BPI: variants seen among roughly 807,000 people sequenced by gnomAD.
BPI encodes the protein bactericidal permeability increasing protein, also known as bactericidal permeability-increasing protein.
In BPI, 48 loss-of-function variants were observed where a neutral mutation model predicts 57.6. The ratio of observed to expected loss-of-function variants is 0.83; its 90% CI spans 0.66 to 1.06. The LOEUF (loss-of-function observed/expected upper bound fraction) is 1.06, where lower values mean the gene tolerates loss of function less well. Among genes scored for constraint, BPI ranks in the 50% least tolerant of loss-of-function variants. The pLI is 0.00. For synonymous variants in BPI, 237 were observed against 238.2 expected, an observed-to-expected ratio of 0.99 and a Z score of 0.05; for missense variants, 651 against 609.7, an observed-to-expected ratio of 1.07 and a Z score of -0.71.
At chr20:38,331,192 A>G in intron 12 of BPI, 102 bp downstream of exon 12, 1 of 1,373,716 alleles carries the variant, frequency 7.3e-7, no homozygotes, top group East Asian at 2.3e-5. Context: ...CTACTGGCTC[A>G]TTTGCATTTA....
At chr20:38,317,749 T>C in intron 5 of BPI, 1 of 1,212,790 alleles carries the variant, frequency 8.2e-7, no homozygotes, top group Non-Finnish European at 1.2e-6. Flanking sequence ...TAATTTGCCA[T>C]GTTCCGTTTT....
In BPI at chr20:38,331,229, G is replaced by C. The variant is rs536319163; in HGVS notation, c.1272+139G>C. The C allele has an allele frequency of 2.8e-6, 3 of 1,070,634 alleles. No individual in the cohort carries two copies. In the African/African-American group the frequency reaches 4.8e-5, roughly 17 times the overall value. The allele number at this position is 1,070,634 out of a possible 1,614,324, so 66.3% of individuals were successfully genotyped here. ...TTTGGTTGTGAATTAATAGTTCAAG[G>C]AGCTTCGTGGGCAGAGGGACCTGAG... On this transcript the variant is annotated intron_variant, in intron 12 of 14. Transcript: ENST00000642449.
chr20:38,322,791 G>C (rs756614535), intron 7 of BPI, among the ~76,000 whole-genome samples: 1 of 152,160 alleles, frequency 6.6e-6, no homozygotes, highest in Non-Finnish European at 1.5e-5. Context: ...TGTATTTTTA[G>C]TAGAGATGGG....
intron 11 of BPI, 127 bp from the exon 12 acceptor site, chr20:38,330,921 A>T (rs1568819113): frequency 1.9e-6 from 2 of 1,053,204 alleles, no homozygotes; most frequent in African/African-American, 3.2e-5. Context: ...GACCCGTGGA[A>T]GGGGAGTGGA....
intron 7 of BPI, 91 bp downstream of exon 7, chr20:38,320,365 C>T: frequency 8.6e-7 from 1 of 1,159,914 alleles, no homozygotes; most frequent in African/African-American, 1.5e-5. Context: ...TTAACAATGT[C>T]CCCTACTTCC....
intron 5 of BPI, chr20:38,317,885 G>A (rs550457722): frequency 5.3e-5 from 77 of 1,454,308 alleles, no homozygotes; most frequent in Non-Finnish European, 6.9e-5. Flanking sequence ...CTAGGGGACA[G>A]GGGGATTGGG....
At chr20:38,305,282 A>G (rs2076591733) in intron 1 of BPI, among the ~76,000 whole-genome samples, 1 of 152,210 alleles carries the variant, frequency 6.6e-6, no homozygotes, top group African/African-American at 2.4e-5. Flanking sequence ...GCTAGGGGGA[A>G]GGAGTATGGC....
rs543695235 is a variant in BPI, at chr20:38,319,737, A to AACAATGATCCTC, written c.665-445_665-434dup. On this transcript the variant is annotated intron_variant, in intron 6 of 14. Coordinates refer to ENST00000642449, the MANE Select transcript of BPI (RefSeq NM_001725.3). ...AGCCTTGTCTATTATCAATGATCCT[A>AACAATGATCCTC]ACAATGATCCTCTCTGGCTTCTGAG... The AACAATGATCCTC allele has an allele frequency of 5.7e-4, 90 of 158,098 alleles. No individual in the cohort carries two copies. In the South Asian group the frequency reaches 8.0e-3, roughly 14 times the overall value. 9.8% of individuals were successfully genotyped at this position (158,098 alleles called of 1,614,324 possible). A position where few individuals can be genotyped will look rare whatever the true frequency, so the allele number is the denominator to read the frequency against.
At chr20:38,312,048 C>A in intron 5 of BPI, 111 bp downstream of exon 5, 2 of 1,088,656 alleles carry the variant, frequency 1.8e-6, no homozygotes, top group Non-Finnish European at 1.4e-6. Context: ...CTTGGTAGTC[C>A]TTATGGCCCT....
chr20:38,335,184 A>G (rs1460769000), intron 13 of BPI, among the ~76,000 whole-genome samples: 1 of 152,188 alleles, frequency 6.6e-6, no homozygotes, highest in African/African-American at 2.4e-5. Flanking sequence ...AGAATGTGGC[A>G]GTATGTGGGG....
chr20:38,326,387 C>A lies in BPI; in HGVS notation c.1116C>A (p.Ala372=), dbSNP rs765937243. 7 of 1,614,022 alleles carry A rather than the reference C, an allele frequency of 4.3e-6. No individual in the cohort carries two copies. In the Admixed American group the frequency reaches 1.2e-4, roughly 27 times the overall value. ...FYPAVDVQAF[A]VLPNSSLASL... is the part of the protein sequence containing the mutation. ...CTGCCGTGGATGTCCAGGCCTTTGC[C>A]GTCCTCCCCAACTCCTCCCTGGCTT... Residue 372 remains alanine (A), a synonymous_variant, in exon 10 of 15, where the codon GCC becomes GCA. Coordinates refer to ENST00000642449, the MANE Select transcript of BPI (RefSeq NM_001725.3).
intron 11 of BPI, among the ~76,000 whole-genome samples, chr20:38,329,598 C>G (rs781602038): frequency 1.2e-4 from 19 of 152,184 alleles, no homozygotes; most frequent in Non-Finnish European, 2.4e-4. Context: ...ATCCACGGAG[C>G]AGAAATCCTG....
chr20:38,309,041 G>T lies in BPI; in HGVS notation c.357G>T (p.Lys119Asn). Residue 119 changes from lysine to asparagine, a missense_variant, in exon 3 of 15, where the codon AAG becomes AAT. Lys to Asn is a moderately conservative substitution (Grantham distance 94). Transcript: ENST00000642449. ...ATATCAAGATCAGCGGGAAATGGAA[G>T]GCACAAAAGAGATTCTTGTGCGTTT... is the stretch of plus-strand genomic sequence containing the variant. ...NANIKISGKW[K>N]AQKRFLKMSG... 1 of 1,614,176 alleles carries T rather than the reference G, an allele frequency of 6.2e-7. No individual in the cohort carries two copies. Among genetic ancestry groups the T allele is most frequent in the Non-Finnish European group, 8.5e-7 (1 of 1,180,012 alleles).
intron 5 of BPI, chr20:38,318,041 G>A (rs903605437): frequency 1.0e-6 from 1 of 984,334 alleles, no homozygotes; most frequent in Non-Finnish European, 1.2e-6. Context: ...CCTCGTATTT[G>A]TTTATTACCT....
intron 4 of BPI, 116 bp downstream of exon 4, chr20:38,310,768 A>G: frequency 7.3e-7 from 1 of 1,379,010 alleles, no homozygotes. Context: ...CCTTGCTCAG[A>G]GGCCTCAGGC....
At chr20:38,325,963 T>G (rs543357855) in intron 9 of BPI, among the ~76,000 whole-genome samples, 84 of 152,128 alleles carry the variant, frequency 5.5e-4, no homozygotes, top group African/African-American at 1.6e-3. Flanking sequence ...GAGAGAAGAA[T>G]GCGAGGAAAA....
At chr20:38,316,412 C>G (rs1381220768) in intron 5 of BPI, among the ~76,000 whole-genome samples, 1 of 152,190 alleles carries the variant, frequency 6.6e-6, no homozygotes, top group Admixed American at 6.5e-5. Context: ...GACAGTTGTC[C>G]TTGAGGCAGC....
intron 6 of BPI, 143 bp downstream of exon 6, chr20:38,318,619 A>C (rs2076665390): frequency 2.3e-6 from 2 of 879,656 alleles, no homozygotes; most frequent in Non-Finnish European, 3.7e-6. Context: ...CATTATTTTC[A>C]AGAGGCAGCT....
At chr20:38,316,469 A>T (rs1364464974) in intron 5 of BPI, among the ~76,000 whole-genome samples, 2 of 152,206 alleles carry the variant, frequency 1.3e-5, no homozygotes, top group African/African-American at 2.4e-5. Context: ...GCTGCAAAGT[A>T]AGGCCTGGGT....
Sources: gnomAD v4.1 joint callset for allele counts (sites outside exome capture counted in the v4.1 genomes callset) on GRCh38, gnomAD v4.1.1 for gene constraint, MANE v1.5 for transcripts, NCBI Gene and HGNC (gene_info 2026-07-23, HGNC 2026-07-21) for gene names.